PVALEF: variants seen among roughly 807,000 people sequenced by gnomAD.
PVALEF encodes parvalbumin-like EF-hand-containing protein.
PVALEF carries 2 observed loss-of-function variants against 1.2 expected under a neutral mutation model. That is an observed-to-expected ratio of 1.68 (90% CI 0.69 to 5.28). The LOEUF is 5.28. Among genes scored for constraint, PVALEF ranks in the 30% most tolerant of loss-of-function variants. The probability of loss-of-function intolerance (pLI) is 0.06; values close to 1 mark genes in which losing one functional copy is unlikely to be tolerated. For missense variants in PVALEF, 35 were observed against 17.7 expected (o/e 1.97, Z -1.75); for synonymous variants, 16 against 6.5 (o/e 2.47, Z -2.24).
chr17:81,179,649 C>A (rs1472078692), intron 3 of PVALEF, among the ~76,000 whole-genome samples: 2 of 152,174 alleles, frequency 1.3e-5, no homozygotes, highest in Non-Finnish European at 1.5e-5. Flanking sequence ...CCCAGAGGGA[C>A]CCCACTGCCT....
intron 2 of PVALEF, among the ~76,000 whole-genome samples, chr17:81,178,175 A>G (rs1244587613): frequency 6.6e-6 from 1 of 152,180 alleles, no homozygotes; most frequent in Non-Finnish European, 1.5e-5. Context: ...CCTGTCACAT[A>G]TCATGACCGT....
Position 81,165,741 on chromosome 17 carries a change from G to C in PVALEF, c.-514G>C. ...CGCGGGGGACGCCAGCCCACAGGCG[G>C]AGGCCGGTTTGTGCTGGGGCCCAGG... is the stretch of plus-strand genomic sequence containing the variant. On this transcript the variant is annotated 5_prime_UTR_variant, in exon 1 of 7. Transcript: ENST00000637878. The C allele has an allele frequency of 6.6e-7, 1 of 1,525,582 alleles. No individual in the cohort carries two copies. Among genetic ancestry groups the C allele is most frequent in the Non-Finnish European group, 8.8e-7 (1 of 1,137,720 alleles). The allele number at this position is 1,525,582 out of a possible 1,614,324, so 94.5% of individuals were successfully genotyped here. A position where few individuals can be genotyped will look rare whatever the true frequency, so the allele number is the denominator to read the frequency against.
chr17:81,169,844 ATATG>A (rs2061512656), intron 2 of PVALEF, among the ~76,000 whole-genome samples: 2 of 137,418 alleles, frequency 1.5e-5, no homozygotes, highest in South Asian at 2.2e-4. Context: ...CTTGGTAGGT[ATATG>A]TGTGTGTGCA....
In PVALEF at chr17:81,181,263, G is replaced by A. The variant is rs369503397; in HGVS notation, c.37G>A (p.Ala13Thr). 2.6e-5 allele frequency: 18 copies of A among 702,242 alleles called. No individual in the cohort carries two copies. Among genetic ancestry groups the A allele is most frequent in the Non-Finnish European group, 4.7e-5 (18 of 384,538 alleles). 43.5% of individuals were successfully genotyped at this position (702,242 alleles called of 1,614,324 possible). The change falls in exon 4 of 7, where the codon GCC becomes ACC. Residue 13 changes from alanine to threonine, a missense_variant. Ala to Thr is a moderately conservative substitution (Grantham distance 58). Transcript: ENST00000637878. ...CTTCTCCTCCCAGATGAAGAAGATGGCCTTGGCCATGGGCACGTCCCTATC... is the reference window on the plus strand; with the variant it reads ...CTTCTCCTCCCAGATGAAGAAGATGACCTTGGCCATGGGCACGTCCCTATC... ...EDFSSQMKKMALAMGTSLSDK... is the reference protein window; with the variant it reads ...EDFSSQMKKMTLAMGTSLSDK...
At chr17:81,168,723 A>G (rs1348834433) in intron 2 of PVALEF, among the ~76,000 whole-genome samples, 1 of 152,116 alleles carries the variant, frequency 6.6e-6, no homozygotes, top group African/African-American at 2.4e-5. Flanking sequence ...CCCGTCGAAG[A>G]GGAAAAAGGC....
At chr17:81,165,908 G>T (rs376056569) in intron 1 of PVALEF, 161 bp downstream of exon 1, 18 of 1,565,062 alleles carry the variant, frequency 1.2e-5, no homozygotes, top group Admixed American at 1.9e-5. Flanking sequence ...GGGAGGCAGC[G>T]GCGCGCAGGC....
At chr17:81,167,233 C>T (rs973725432) in intron 2 of PVALEF, among the ~76,000 whole-genome samples, 2 of 152,220 alleles carry the variant, frequency 1.3e-5, no homozygotes, top group Admixed American at 1.3e-4. Context: ...TTAGAGGCCG[C>T]AGTGAGCCAA....
At chr17:81,181,050 G>T in intron 3 of PVALEF, 73 bp from the exon 4 acceptor site, 1 of 537,358 alleles carries the variant, frequency 1.9e-6, no homozygotes. Flanking sequence ...CTGCCTGGCT[G>T]GGATCCCAGC....
chr17:81,182,161 G>A (rs2061556807), intron 6 of PVALEF, 80 bp downstream of exon 6: 5 of 397,902 alleles, frequency 1.3e-5, no homozygotes, highest in South Asian at 1.3e-4. Flanking sequence ...GCCCCGCCCC[G>A]AGGGCACTGG....
At chr17:81,171,885 G>A (rs111810623) in intron 2 of PVALEF, among the ~76,000 whole-genome samples, 42 of 152,086 alleles carry the variant, frequency 2.8e-4, no homozygotes, top group Middle Eastern at 3.4e-3. Context: ...ACAACATTGC[G>A]CCCCCATCTG....
At chr17:81,166,451 G>A (rs1275251119) in intron 1 of PVALEF, among the ~76,000 whole-genome samples, 1 of 113,244 alleles carries the variant, frequency 8.8e-6, no homozygotes, top group Non-Finnish European at 1.9e-5. Flanking sequence ...TGGGGGGATG[G>A]TCCGGAGCGG....
At chr17:81,173,922 G>A (rs8075112) in intron 2 of PVALEF, among the ~76,000 whole-genome samples, 8,119 of 152,236 alleles carry the variant, frequency 0.053, 511 homozygotes, top group African/African-American at 0.15. Flanking sequence ...GCAAACTAAA[G>A]TCAGCAGCAT....
intron 2 of PVALEF, among the ~76,000 whole-genome samples, chr17:81,177,658 G>A (rs1236537502): frequency 1.3e-5 from 2 of 152,084 alleles, no homozygotes; most frequent in East Asian, 3.8e-4. Context: ...GGAAATGGAG[G>A]AAAAGGCATC....
At chr17:81,171,637 G>A (rs914569208) in intron 2 of PVALEF, among the ~76,000 whole-genome samples, 11 of 152,024 alleles carry the variant, frequency 7.2e-5, no homozygotes, top group East Asian at 5.8e-4. Flanking sequence ...GACTACAGGC[G>A]CCCACCACCA....
At chr17:81,179,526 T>TA (rs1334942322) in intron 3 of PVALEF, among the ~76,000 whole-genome samples, 1 of 152,140 alleles carries the variant, frequency 6.6e-6, no homozygotes, top group Non-Finnish European at 1.5e-5. Flanking sequence ...CCCCAGGCTC[T>TA]AAGTGGGGAT....
At chr17:81,170,331 G>A (rs2061516589) in intron 2 of PVALEF, among the ~76,000 whole-genome samples, 1 of 151,896 alleles carries the variant, frequency 6.6e-6, no homozygotes, top group South Asian at 2.1e-4. Context: ...GTGTGTGCAT[G>A]TGTGTGCATA....
intron 5 of PVALEF, 84 bp downstream of exon 5, chr17:81,181,778 C>A (rs2061555089): frequency 5.0e-6 from 2 of 398,576 alleles, no homozygotes; most frequent in East Asian, 7.1e-5. Context: ...GGCCTTCCCC[C>A]ACCGGGTCCC....
At position 81,181,351 on chromosome 17, in the gene PVALEF, C is replaced by T. The variant is rs749002570; in HGVS notation, c.106+19C>T. On this transcript the variant is annotated intron_variant, in intron 4 of 6. Coordinates refer to ENST00000637878, the MANE Select transcript of PVALEF (RefSeq NM_001354639.2). ...CACCACGGTACAGCATGCCCCCGCC[C>T]GGCGCGGCCCCCCGCCCGTCCAGCC... The T allele has an allele frequency of 1.9e-5, 12 of 632,742 alleles. No individual in the cohort carries two copies. Among genetic ancestry groups the T allele is most frequent in the Non-Finnish European group, 3.1e-5 (11 of 349,222 alleles). The allele number at this position is 632,742 out of a possible 1,614,324, so 39.2% of individuals were successfully genotyped here.
At chr17:81,166,020 C>G (rs1479000164) in intron 1 of PVALEF, 1 of 1,529,622 alleles carries the variant, frequency 6.5e-7, no homozygotes, top group East Asian at 2.6e-5. Flanking sequence ...GCGGGCATCC[C>G]GGGAGGGCGC....
Sources: gnomAD v4.1 joint callset for allele counts (sites outside exome capture counted in the v4.1 genomes callset) on GRCh38, gnomAD v4.1.1 for gene constraint, MANE v1.5 for transcripts, NCBI Gene and HGNC (gene_info 2026-07-23, HGNC 2026-07-21) for gene names.